Variants in CNTN4 observed in about 807,000 individuals in gnomAD.
CNTN4 encodes contactin-4.
A neutral mutation model predicts 122.5 loss-of-function variants in CNTN4; 77 were observed. The observed-to-expected ratio is 0.63, with a 90% CI of 0.52 to 0.76. The LOEUF is 0.76. Among genes scored for constraint, CNTN4 ranks in the 30% least tolerant of loss-of-function variants. The pLI is 0.00. For synonymous variants in CNTN4, 512 were observed against 447.0 expected (o/e 1.15, Z -1.83); for missense variants, 1,256 against 1,259.1 (o/e 1.00, Z 0.04).
At chr3:2,405,415 A>T (rs963879526) in intron 3 of CNTN4, among the ~76,000 whole-genome samples, 1 of 152,180 alleles carries the variant, frequency 6.6e-6, no homozygotes, top group African/African-American at 2.4e-5. Context: ...CAACTTTGGC[A>T]CTAAAAAGTT....
chr3:2,209,234 AG>A (rs1315596510), intron 2 of CNTN4, among the ~76,000 whole-genome samples: 1 of 152,142 alleles, frequency 6.6e-6, no homozygotes, highest in Non-Finnish European at 1.5e-5. Flanking sequence ...CTCACACAAG[AG>A]GAGAGAGAGA....
At chr3:2,583,291 C>T (rs1044276415) in intron 4 of CNTN4, among the ~76,000 whole-genome samples, 1 of 152,186 alleles carries the variant, frequency 6.6e-6, no homozygotes, top group African/African-American at 2.4e-5. Context: ...CACAGATTGT[C>T]AAAGTTGTCT....
intron 2 of CNTN4, among the ~76,000 whole-genome samples, chr3:2,188,841 T>C (rs991003065): frequency 3.3e-5 from 5 of 152,120 alleles, no homozygotes; most frequent in African/African-American, 9.7e-5. Context: ...GGAGACTCTG[T>C]TGGGGAACAG....
At chr3:2,513,222 C>T (rs1448121288) in intron 3 of CNTN4, among the ~76,000 whole-genome samples, 1 of 152,150 alleles carries the variant, frequency 6.6e-6, no homozygotes, top group Non-Finnish European at 1.5e-5. Flanking sequence ...GGTCCCTAAA[C>T]AAAAGGCTGG....
intron 4 of CNTN4, among the ~76,000 whole-genome samples, chr3:2,708,120 A>C (rs1485581415): frequency 6.6e-6 from 1 of 152,170 alleles, no homozygotes; most frequent in Non-Finnish European, 1.5e-5. Flanking sequence ...GATCAAATAC[A>C]TTATCTTTAA....
chr3:3,004,571 G>T (rs1454757694), intron 14 of CNTN4, among the ~76,000 whole-genome samples: 1 of 152,172 alleles, frequency 6.6e-6, no homozygotes, highest in African/African-American at 2.4e-5. Context: ...GACAAATCAG[G>T]TTCTAATCTC....
At chr3:2,102,094 CA>C (rs1477327059) in intron 2 of CNTN4, among the ~76,000 whole-genome samples, 2 of 152,042 alleles carry the variant, frequency 1.3e-5, no homozygotes, top group African/African-American at 2.4e-5. Flanking sequence ...TTAGATCTCC[CA>C]AAGTAGACAT....
At chr3:2,335,310 G>T (rs1371162167) in intron 2 of CNTN4, among the ~76,000 whole-genome samples, 1 of 79,638 alleles carries the variant, frequency 1.3e-5, no homozygotes, top group East Asian at 7.5e-4. Context: ...TTAAAAAAAT[G>T]ATTATAATGA....
intron 2 of CNTN4, among the ~76,000 whole-genome samples, chr3:2,250,023 C>T (rs2040314223): frequency 6.6e-6 from 1 of 151,748 alleles, no homozygotes; most frequent in Non-Finnish European, 1.5e-5. Context: ...TATCCATTTC[C>T]AGTGCTTTGT....
At chr3:3,043,311 C>T (rs532159839) in intron 22 of CNTN4, 148 bp downstream of exon 22, 22 of 843,188 alleles carry the variant, frequency 2.6e-5, no homozygotes, top group Middle Eastern at 2.2e-4. Context: ...TGAACCTTTC[C>T]GTATACCACG....
intron 3 of CNTN4, among the ~76,000 whole-genome samples, chr3:2,350,705 C>A (rs557797619): frequency 6.6e-6 from 1 of 152,238 alleles, no homozygotes; most frequent in South Asian, 2.1e-4. Flanking sequence ...AAATGAATAG[C>A]TCTCAGTCAA....
intron 2 of CNTN4, among the ~76,000 whole-genome samples, chr3:2,287,769 GAAGA>G (rs2041993771): frequency 1.3e-5 from 2 of 148,618 alleles, no homozygotes; most frequent in Admixed American, 6.7e-5. Flanking sequence ...AGAAGAAGAA[GAAGA>G]AGAAGGAGAA....
At chr3:2,208,622 G>A (rs1352892245) in intron 2 of CNTN4, among the ~76,000 whole-genome samples, 2 of 152,166 alleles carry the variant, frequency 1.3e-5, no homozygotes, top group Non-Finnish European at 2.9e-5. Flanking sequence ...CATTTCTGCT[G>A]TGGGTCAAAT....
chr3:2,677,677 C>T (rs550064413), intron 4 of CNTN4, among the ~76,000 whole-genome samples: 2 of 152,152 alleles, frequency 1.3e-5, no homozygotes, highest in South Asian at 4.1e-4. Context: ...AAACAGTTGA[C>T]TTCAAATTCC....
At chr3:2,725,738 A>G (rs2088180802) in intron 4 of CNTN4, among the ~76,000 whole-genome samples, 1 of 152,222 alleles carries the variant, frequency 6.6e-6, no homozygotes, top group Non-Finnish European at 1.5e-5. Flanking sequence ...AAAAATGAAC[A>G]GTAAGTCCAC....
chr3:2,818,802 T>C (rs1405590009), intron 6 of CNTN4, among the ~76,000 whole-genome samples: 2 of 152,214 alleles, frequency 1.3e-5, no homozygotes, highest in Non-Finnish European at 2.9e-5. Flanking sequence ...AAAAGAACCA[T>C]GAACAGTACC....
chr3:2,197,068 A>AAAAAAAG (rs1559333924), intron 2 of CNTN4, among the ~76,000 whole-genome samples: 1 of 139,794 alleles, frequency 7.2e-6, no homozygotes, highest in African/African-American at 2.7e-5. Context: ...AAAAAAAAAA[A>AAAAAAAG]AAGAAGAAGA....
intron 5 of CNTN4, among the ~76,000 whole-genome samples, chr3:2,745,233 C>T (rs924388666): frequency 6.6e-5 from 10 of 152,124 alleles, no homozygotes; most frequent in East Asian, 1.9e-4. Context: ...ATCTGTGGCC[C>T]GCCTTCAAAA....
intron 4 of CNTN4, among the ~76,000 whole-genome samples, chr3:2,573,703 C>T (rs1289140103): frequency 6.6e-6 from 1 of 152,084 alleles, no homozygotes; most frequent in African/African-American, 2.4e-5. Flanking sequence ...GTGTGTGTAA[C>T]TGTATCTATT....
Sources: allele counts gnomAD v4.1 joint callset (sites outside exome capture counted in the v4.1 genomes callset), GRCh38; gene constraint gnomAD v4.1.1; transcripts MANE v1.5; gene names NCBI Gene and HGNC (gene_info 2026-07-23, HGNC 2026-07-21).